Variants in JAML observed in about 807,000 individuals in gnomAD.
JAML encodes the protein junctional adhesion molecule-like.
JAML carries 25 observed loss-of-function variants against 39.3 expected under a neutral mutation model. The observed-to-expected ratio is 0.64, with a 90% CI of 0.46 to 0.89. The LOEUF is 0.89. Among genes scored for constraint, JAML ranks in the 40% least tolerant of loss-of-function variants. The pLI is 0.00. For synonymous variants in JAML, 162 were observed against 179.2 expected (o/e 0.90, Z 0.77); for missense variants, 440 against 486.9 (o/e 0.90, Z 0.91).
intron 3 of JAML, among the ~76,000 whole-genome samples, chr11:118,211,100 G>A (rs1453422890): frequency 6.6e-6 from 1 of 152,230 alleles, no homozygotes; most frequent in Non-Finnish European, 1.5e-5. Flanking sequence ...CACTAGTGCT[G>A]TGGGTGGTGT....
At chr11:118,213,067 T>C in intron 2 of JAML, 1 of 1,566,150 alleles carries the variant, frequency 6.4e-7, no homozygotes, top group Non-Finnish European at 8.6e-7. Flanking sequence ...CAGGTCCTTG[T>C]AATTAGGCCA....
intron 1 of JAML, among the ~76,000 whole-genome samples, chr11:118,218,171 G>A (rs914597064): frequency 7.2e-5 from 11 of 152,096 alleles, no homozygotes; most frequent in South Asian, 2.1e-4. Flanking sequence ...TCAGCTCACC[G>A]CAACCTCCGC....
intron 9 of JAML, among the ~76,000 whole-genome samples, chr11:118,195,559 C>T (rs1306108142): frequency 3.3e-5 from 5 of 152,142 alleles, no homozygotes; most frequent in Non-Finnish European, 7.3e-5. Flanking sequence ...CTGCACGCCC[C>T]GAGGTGCCTT....
At chr11:118,203,308 A>G in intron 6 of JAML, 120 bp downstream of exon 6, 1 of 898,100 alleles carries the variant, frequency 1.1e-6, no homozygotes, top group Non-Finnish European at 1.8e-6. Flanking sequence ...CAGAGTCAGC[A>G]CCTGAGAGGG....
intron 5 of JAML, chr11:118,204,656 G>A (rs1294750830): frequency 3.3e-5 from 5 of 152,218 alleles, no homozygotes; most frequent in Middle Eastern, 3.4e-3. Context: ...GGCTCCCCAA[G>A]CACCCACATA....
intron 4 of JAML, among the ~76,000 whole-genome samples, chr11:118,208,023 G>A (rs751452454): frequency 6.1e-4 from 93 of 152,126 alleles, no homozygotes; most frequent in Non-Finnish European, 1.1e-3. Context: ...TTGAGCCCAG[G>A]GGTTTGAGAC....
chr11:118,195,387 G>A (rs1225757131), intron 9 of JAML, among the ~76,000 whole-genome samples: 1 of 152,054 alleles, frequency 6.6e-6, no homozygotes, highest in Non-Finnish European at 1.5e-5. Context: ...CTCAGGGCTG[G>A]TACGATAGGA....
chr11:118,194,476 T>C (rs1392260179), intron 9 of JAML, 59 bp from the exon 10 acceptor site: 10 of 1,389,584 alleles, frequency 7.2e-6, no homozygotes, highest in African/African-American at 1.4e-5. Flanking sequence ...TCCATAATCA[T>C]AGCAGCTGCT....
At chr11:118,209,208 G>T in intron 4 of JAML, 1 of 233,596 alleles carries the variant, frequency 4.3e-6, no homozygotes, top group Admixed American at 5.1e-5. Context: ...CAGTCAAAGA[G>T]GCGAAAAAAA....
At chr11:118,198,113 T>C in intron 7 of JAML, 22 bp from the exon 8 acceptor site, 1 of 1,604,292 alleles carries the variant, frequency 6.2e-7, no homozygotes, top group Non-Finnish European at 8.5e-7. Context: ...GAAAAGCATG[T>C]GGAATTAACC....
chr11:118,214,673 C>T, intron 2 of JAML, 151 bp downstream of exon 2: 2 of 789,464 alleles, frequency 2.5e-6, no homozygotes, highest in Non-Finnish European at 4.1e-6. Flanking sequence ...GCTTCAACAA[C>T]AGCTGCTTCA....
intron 1 of JAML, among the ~76,000 whole-genome samples, chr11:118,221,301 T>C (rs1055846169): frequency 3.3e-5 from 5 of 152,244 alleles, no homozygotes; most frequent in African/African-American, 9.6e-5. Flanking sequence ...ACAGCAGTTA[T>C]CTTGCACTAT....
At chr11:118,211,084 T>C (rs1949049028) in intron 3 of JAML, among the ~76,000 whole-genome samples, 1 of 152,234 alleles carries the variant, frequency 6.6e-6, no homozygotes, top group Non-Finnish European at 1.5e-5. Flanking sequence ...ATGCATGATC[T>C]ATTTTCACTA....
chr11:118,215,003 T>C, intron 1 of JAML, 117 bp from the exon 2 acceptor site: 1 of 841,220 alleles, frequency 1.2e-6, no homozygotes. Flanking sequence ...GTATGCAGCA[T>C]TGAACAAGAA....
chr11:118,203,131 C>A (rs1948844368), intron 6 of JAML: 2 of 551,194 alleles, frequency 3.6e-6, no homozygotes, highest in Admixed American at 4.4e-5. Context: ...TGTATCTTTA[C>A]ATCAGTAGAT....
At chr11:118,220,490 G>T (rs1172759978) in intron 1 of JAML, among the ~76,000 whole-genome samples, 1 of 152,140 alleles carries the variant, frequency 6.6e-6, no homozygotes, top group Non-Finnish European at 1.5e-5. Context: ...CCTCTGCATT[G>T]CATCCTAAAA....
At position 118,198,200 on chromosome 11, in the gene JAML, A is replaced by G. The variant is rs1215856983; in HGVS notation, c.912-109T>C. On this transcript the variant is annotated intron_variant, in intron 7 of 9. Transcript: ENST00000356289. ...GTGAAGAGAGAGACACCAGAGAAGGAACTATTCTCTCTGGACTCCTACAGC... is the reference window on the plus strand; with the variant it reads ...GTGAAGAGAGAGACACCAGAGAAGGGACTATTCTCTCTGGACTCCTACAGC... 2.2e-5 allele frequency: 20 copies of G among 895,654 alleles called. No homozygotes were observed. In the East Asian group the frequency reaches 4.9e-4, roughly 22 times the overall value. 55.5% of individuals were successfully genotyped at this position (895,654 alleles called of 1,614,324 possible).
chr11:118,217,211 A>G (rs1949155764), intron 1 of JAML, among the ~76,000 whole-genome samples: 1 of 152,232 alleles, frequency 6.6e-6, no homozygotes, highest in African/African-American at 2.4e-5. Flanking sequence ...CCTGGCATAT[A>G]CTGGATAAAT....
chr11:118,209,176 T>C, intron 4 of JAML: 1 of 288,138 alleles, frequency 3.5e-6, no homozygotes, highest in African/African-American at 2.2e-5. Context: ...CAGTCTCAGC[T>C]GCATTCCTTT....
Sources: gnomAD v4.1 joint callset for allele counts (sites outside exome capture counted in the v4.1 genomes callset) on GRCh38, gnomAD v4.1.1 for gene constraint, MANE v1.5 for transcripts, NCBI Gene and HGNC (gene_info 2026-07-23, HGNC 2026-07-21) for gene names.